Variants in SPAG16 observed in about 807,000 individuals in gnomAD.
SPAG16 encodes the protein sperm associated antigen 16.
SPAG16 carries 86 observed loss-of-function variants against 80.4 expected under a neutral mutation model. That is an observed-to-expected ratio of 1.07 (90% CI 0.90 to 1.28). The LOEUF (loss-of-function observed/expected upper bound fraction) is 1.28. Ranked by LOEUF, SPAG16 falls within the 50% of genes most tolerant of loss-of-function variation. The pLI is 0.00. For missense variants in SPAG16, 870 were observed against 765.3 expected, an observed-to-expected ratio of 1.14 and a Z score of -1.61; for synonymous variants, 294 against 265.9, an observed-to-expected ratio of 1.11 and a Z score of -1.03.
intron 10 of SPAG16, among the ~76,000 whole-genome samples, chr2:213,741,574 AAAAG>A (rs1351910140): frequency 6.6e-6 from 1 of 152,218 alleles, no homozygotes; most frequent in East Asian, 1.9e-4. Context: ...AAGTACAGAT[AAAAG>A]AAAGCAGAGA....
At chr2:214,286,967 CT>C (rs1341503468) in intron 15 of SPAG16, among the ~76,000 whole-genome samples, 24 of 152,164 alleles carry the variant, frequency 1.6e-4, no homozygotes, top group African/African-American at 5.5e-4. Context: ...TTTAAATTTA[CT>C]GAATTAGCTG....
At chr2:213,728,873 T>C (rs2066896674) in intron 10 of SPAG16, among the ~76,000 whole-genome samples, 1 of 49,894 alleles carries the variant, frequency 2.0e-5, no homozygotes, top group African/African-American at 8.3e-5. Flanking sequence ...TGAGACTCCG[T>C]CTCAAAAAAA....
At chr2:214,098,275 A>G (rs936621382) in intron 13 of SPAG16, among the ~76,000 whole-genome samples, 6 of 152,128 alleles carry the variant, frequency 3.9e-5, no homozygotes, top group Non-Finnish European at 8.8e-5. Flanking sequence ...GTAGTAGAAT[A>G]AAGATATCTG....
intron 10 of SPAG16, among the ~76,000 whole-genome samples, chr2:213,823,786 T>A (rs1453293385): frequency 6.6e-6 from 1 of 152,252 alleles, no homozygotes; most frequent in Non-Finnish European, 1.5e-5. Context: ...TAAACATGTT[T>A]AAGTTCCTTG....
chr2:214,147,366 A>G (rs2055702106), intron 14 of SPAG16, among the ~76,000 whole-genome samples: 1 of 152,132 alleles, frequency 6.6e-6, no homozygotes, highest in African/African-American at 2.4e-5. Flanking sequence ...TTAATATTCA[A>G]TGGGATAAAG....
At chr2:214,257,574 C>T (rs1387709081) in intron 15 of SPAG16, among the ~76,000 whole-genome samples, 1 of 152,050 alleles carries the variant, frequency 6.6e-6, no homozygotes, top group Non-Finnish European at 1.5e-5. Flanking sequence ...TGCTTTTCAA[C>T]ATTCATTGAA....
chr2:213,449,181 C>A (rs2071537340), intron 9 of SPAG16, among the ~76,000 whole-genome samples: 1 of 152,138 alleles, frequency 6.6e-6, no homozygotes, highest in Non-Finnish European at 1.5e-5. Context: ...AACCCTCAGG[C>A]TTACTAGGGT....
At chr2:214,024,836 A>G (rs2048053060) in intron 13 of SPAG16, among the ~76,000 whole-genome samples, 1 of 151,644 alleles carries the variant, frequency 6.6e-6, no homozygotes. Context: ...ATTGTCACAT[A>G]TAAATATTGA....
At chr2:213,425,859 C>G (rs938789449) in intron 9 of SPAG16, among the ~76,000 whole-genome samples, 1 of 152,022 alleles carries the variant, frequency 6.6e-6, no homozygotes, top group Non-Finnish European at 1.5e-5. Flanking sequence ...CATTCATGCT[C>G]CAATAATAGA....
intron 15 of SPAG16, among the ~76,000 whole-genome samples, chr2:214,264,546 C>T (rs1691414633): frequency 1.3e-5 from 2 of 152,006 alleles, no homozygotes; most frequent in African/African-American, 4.8e-5. Flanking sequence ...CTTTCTCACC[C>T]CCTTACACTA....
intron 10 of SPAG16, among the ~76,000 whole-genome samples, chr2:213,491,461 C>T (rs1484895870): frequency 6.6e-6 from 1 of 152,160 alleles, no homozygotes; most frequent in African/African-American, 2.4e-5. Context: ...ATTTCATCAC[C>T]ATAACTAATG....
intron 15 of SPAG16, among the ~76,000 whole-genome samples, chr2:214,334,811 T>A (rs960816532): frequency 1.3e-5 from 2 of 152,216 alleles, no homozygotes; most frequent in Non-Finnish European, 2.9e-5. Context: ...CTTCAACATG[T>A]CAAGAGCTCT....
chr2:213,289,053 C>T (rs1161806456), intron 1 of SPAG16, among the ~76,000 whole-genome samples: 1 of 152,144 alleles, frequency 6.6e-6, no homozygotes, highest in Non-Finnish European at 1.5e-5. Flanking sequence ...TTTAGTCAGG[C>T]GTTAATGTGC....
intron 12 of SPAG16, among the ~76,000 whole-genome samples, chr2:214,012,282 A>ATTTTTTTTTTTTT (rs1286363943): frequency 2.2e-4 from 11 of 50,688 alleles, no homozygotes; most frequent in Admixed American, 5.0e-4. Context: ...ATATATATAT[A>ATTTTTTTTTTTTT]TATATATTTT....
Position 213,589,410 on chromosome 2 carries a change from A to G in SPAG16, c.1070+99320A>G, listed in dbSNP as rs60749528. ...GTGCTAATTTTTCAAATCAATTAGA[A>G]TATTTCAATAAACAATAAAAGTTGA... On this transcript the variant is annotated intron_variant, in intron 10 of 15. Transcript: ENST00000331683. Among the ~76,000 whole-genome samples the G allele has an allele frequency of 2.6e-3, 396 of 152,366 alleles. 4 individuals are homozygous for G. Among genetic ancestry groups the G allele is most frequent in the African/African-American group, 8.8e-3 (364 of 41,590 alleles).
chr2:213,391,656 A>T (rs1384326370), intron 9 of SPAG16, among the ~76,000 whole-genome samples: 1 of 152,220 alleles, frequency 6.6e-6, no homozygotes, highest in East Asian at 1.9e-4. Flanking sequence ...TTTTGTTTCG[A>T]TAGAAAAGGT....
At chr2:214,281,086 G>T in intron 15 of SPAG16, 1 of 383,892 alleles carries the variant, frequency 2.6e-6, no homozygotes. Context: ...TTCATCTCCA[G>T]TCACCTCCAC....
At chr2:214,251,215 A>T (rs1690267917) in intron 15 of SPAG16, among the ~76,000 whole-genome samples, 1 of 151,880 alleles carries the variant, frequency 6.6e-6, no homozygotes, top group Non-Finnish European at 1.5e-5. Flanking sequence ...ACACACTTAA[A>T]ATTTTACTCA....
intron 9 of SPAG16, among the ~76,000 whole-genome samples, chr2:213,480,880 C>T (rs915112561): frequency 6.6e-6 from 1 of 151,924 alleles, no homozygotes; most frequent in African/African-American, 2.4e-5. Flanking sequence ...ACAAGCTTAT[C>T]AAAAAGAAAA....
Sources: gnomAD v4.1 joint callset for allele counts (sites outside exome capture counted in the v4.1 genomes callset) on GRCh38, gnomAD v4.1.1 for gene constraint, MANE v1.5 for transcripts, NCBI Gene and HGNC (gene_info 2026-07-23, HGNC 2026-07-21) for gene names.